MTA2: variants seen among roughly 807,000 people sequenced by gnomAD.
MTA2 encodes the protein metastasis-associated protein MTA2.
In MTA2, 22 loss-of-function variants were observed where a neutral mutation model predicts 87.1. That is an observed-to-expected ratio of 0.25 (90% CI 0.18 to 0.36). The LOEUF is 0.36. Ranked by LOEUF, MTA2 falls within the 10% of genes least tolerant of loss-of-function variation. The pLI is 1.00. For missense variants in MTA2, 542 were observed against 853.2 expected, an observed-to-expected ratio of 0.64 and a Z score of 4.54; for synonymous variants, 314 against 310.1, an observed-to-expected ratio of 1.01 and a Z score of -0.13.
intron 11 of MTA2, 60 bp from the exon 12 acceptor site, chr11:62,596,167 A>G (rs1942095735): frequency 3.8e-6 from 6 of 1,599,624 alleles, no homozygotes; most frequent in South Asian, 2.2e-5. Context: ...AAAAGAATCA[A>G]TTTCCACTCT....
chr11:62,595,685 C>A lies in MTA2; in HGVS notation c.1254+67G>T. On this transcript the variant is annotated intron_variant, in intron 13 of 17. Transcript: ENST00000278823. The surrounding 1 kb of genome is among the most constrained non-coding windows in gnomAD (Gnocchi z 4.9). ...CCATATAAAGAGTTGAATATTCTGG[C>A]CTTCACCTAAGCTCACCATCAATAT... 1.9e-6 allele frequency: 3 copies of A among 1,590,694 alleles called. No individual in the cohort carries two copies. Among genetic ancestry groups the A allele is most frequent in the Non-Finnish European group, 2.6e-6 (3 of 1,166,808 alleles).
chr11:62,594,058 G>A lies in MTA2; in HGVS notation c.1842-18C>T, dbSNP rs1353021082. ...GTAGGGCCCTGGCCAGAAAGAGCAA[G>A]TGGGAAACAGAAAAGGCTTAGAGAA... is the stretch of plus-strand genomic sequence containing the variant. On this transcript the variant is annotated intron_variant, in intron 17 of 17. Coordinates refer to ENST00000278823, the MANE Select transcript of MTA2 (RefSeq NM_004739.4). 12 of 1,577,212 alleles carry A rather than the reference G, an allele frequency of 7.6e-6. No homozygotes were observed. Among genetic ancestry groups the A allele is most frequent in the African/African-American group, 1.4e-5 (1 of 73,664 alleles).
intron 1 of MTA2, chr11:62,600,987 G>A (rs1942181448): frequency 4.1e-6 from 2 of 488,762 alleles, no homozygotes; most frequent in Admixed American, 3.9e-5. Flanking sequence ...CCCAGTCGCG[G>A]CGAAGTAATT....
Position 62,595,160 on chromosome 11 carries a change from C to T in MTA2, c.1484-90G>A, listed in dbSNP as rs1053528539. 2.8e-5 allele frequency: 43 copies of T among 1,540,278 alleles called. No homozygotes were observed. In the Admixed American group the frequency reaches 7.3e-4, roughly 26 times the overall value. ...CCAACTCTAATCTTAAAAAAATTAT[C>T]TGTGGCCTACTATCCCTCCTGTTAT... On this transcript the variant is annotated intron_variant, in intron 14 of 17. Coordinates refer to ENST00000278823, the MANE Select transcript of MTA2 (RefSeq NM_004739.4). The surrounding 1 kb of genome is among the most constrained non-coding windows in gnomAD (Gnocchi z 4.9).
intron 3 of MTA2, among the ~76,000 whole-genome samples, chr11:62,599,802 G>T (rs971709947): frequency 1.3e-5 from 2 of 152,064 alleles, no homozygotes; most frequent in Non-Finnish European, 2.9e-5. Context: ...TGTTACGCAG[G>T]CTTCTCAGTA....
Position 62,594,272 on chromosome 11 carries a change from T to G in MTA2, c.1828A>C (p.Thr610Pro), listed in dbSNP as rs1942065758. 1 of 1,614,044 alleles carries G rather than the reference T, an allele frequency of 6.2e-7. No homozygotes were observed. The highest frequency in any genetic ancestry group is 8.5e-7 in the Non-Finnish European group (1 of 1,180,038). The change falls in exon 17 of 18, where the codon ACA becomes CCA. Residue 610 changes from threonine to proline, a missense_variant. Thr to Pro is a conservative substitution (Grantham distance 38, BLOSUM62 -1). Coordinates refer to ENST00000278823, the MANE Select transcript of MTA2 (RefSeq NM_004739.4). ...DAPNPVVFVATKDTRALRKAL... is the reference protein window; with the variant it reads ...DAPNPVVFVAPKDTRALRKAL... ...TAGACGCCTTACCTGGTATCCTTTG[T>G]GGCCACAAACACCACAGGATTGGGG...
At chr11:62,599,534 G>A (rs1942148384) in intron 3 of MTA2, among the ~76,000 whole-genome samples, 2 of 151,682 alleles carry the variant, frequency 1.3e-5, no homozygotes, top group East Asian at 1.9e-4. Flanking sequence ...TTAGAAAGGT[G>A]GAACAAAAGG....
Position 62,598,313 on chromosome 11 carries a change from C to T in MTA2, c.372+14G>A, listed in dbSNP as rs116626990. 1.8e-4 allele frequency: 285 copies of T among 1,613,586 alleles called. No homozygotes were observed. The African/African-American group carries it at 3.4e-3, about 19-fold the overall frequency. The stretch of plus-strand genomic sequence containing the variant: ...CCCATTCCCCTCGCTCTTCTCTCAA[C>T]ATCTCTTTCTCACCTCCTTTTCCAG... On this transcript the variant is annotated intron_variant, in intron 5 of 17. Transcript: ENST00000278823.
intron 10 of MTA2, 37 bp downstream of exon 10, chr11:62,596,421 G>A: frequency 6.2e-7 from 1 of 1,612,936 alleles, no homozygotes; most frequent in Admixed American, 1.7e-5. Flanking sequence ...AGGTCAGCAG[G>A]TAGCCTATGG....
chr11:62,594,835 A>C (rs1344913824), intron 15 of MTA2, 146 bp downstream of exon 15: 8 of 889,412 alleles, frequency 9.0e-6, no homozygotes, highest in South Asian at 5.0e-5. Flanking sequence ...AATAGTTTAC[A>C]AAAAAAATTA....
chr11:62,598,621 G>A lies in MTA2; in HGVS notation c.209C>T (p.Ser70Leu). 2 of 1,614,032 alleles carry A rather than the reference G, an allele frequency of 1.2e-6. No individual in the cohort carries two copies. Among genetic ancestry groups the A allele is most frequent in the Non-Finnish European group, 1.7e-6 (2 of 1,180,028 alleles). ...DSNAREFEEE[S>L]KQPGVSEQQR... ...CTGCTCAGACACCCCTGGCTGCTTT[G>A]ATTCCTCTTCAAACTCCCCTGGGAG... is the stretch of plus-strand genomic sequence containing the variant. Residue 70 changes from serine to leucine, a missense_variant, in exon 4 of 18, where the codon TCA becomes TTA. Transcript: ENST00000278823.
Position 62,593,790 on chromosome 11 carries a change from C to T in MTA2, c.*85G>A. ...CTCTTCCTTAATTCACTCCTCACTC[C>T]CTTCGACACGAAAGGGAAGGGAGGT... On this transcript the variant is annotated 3_prime_UTR_variant, in exon 18 of 18. Transcript: ENST00000278823. 1 of 1,542,114 alleles carries T rather than the reference C, an allele frequency of 6.5e-7. No homozygotes were observed. The highest frequency in any genetic ancestry group is 1.8e-5 in the Admixed American group (1 of 55,058).
Position 62,598,203 on chromosome 11 carries a change from G to A in MTA2, c.373-62C>T, listed in dbSNP as rs1422446509. ...ATCCACATAGGCGGCGGGGAGGGAGGTGTATCTGAGTTTCCATGACCGGCA... is the reference window on the plus strand; with the variant it reads ...ATCCACATAGGCGGCGGGGAGGGAGATGTATCTGAGTTTCCATGACCGGCA... On this transcript the variant is annotated intron_variant, in intron 5 of 17. Coordinates refer to ENST00000278823, the MANE Select transcript of MTA2 (RefSeq NM_004739.4). 6 of 1,564,050 alleles carry A rather than the reference G, an allele frequency of 3.8e-6. No individual in the cohort carries two copies. The African/African-American group carries it at 4.1e-5, about 11-fold the overall frequency.
At chr11:62,594,863 A>G in intron 15 of MTA2, 118 bp downstream of exon 15, 1 of 985,790 alleles carries the variant, frequency 1.0e-6, no homozygotes, top group Non-Finnish European at 1.5e-6. Flanking sequence ...ACAAAAGTAC[A>G]GTTTGTTAGA....
rs527858052 is a variant in MTA2, at chr11:62,597,163, T to C, written c.693+153A>G. On this transcript the variant is annotated intron_variant, in intron 8 of 17. Coordinates refer to ENST00000278823, the MANE Select transcript of MTA2 (RefSeq NM_004739.4). ...GAGATTGCGCCACTGCACTCCAGCC[T>C]GGGCGACAGAGCAAGACTCCTCTCA... Among the ~76,000 whole-genome samples, 7 of 150,226 alleles carry C rather than the reference T, an allele frequency of 4.7e-5. No homozygotes were observed. In the East Asian group the frequency reaches 1.4e-3, roughly 30 times the overall value.
chr11:62,601,668 G>T lies in MTA2; in HGVS notation c.-218C>A. 1 of 549,786 alleles carries T rather than the reference G, an allele frequency of 1.8e-6. No homozygotes were observed. The highest frequency in any genetic ancestry group is 3.1e-6 in the Non-Finnish European group (1 of 320,754). The allele number at this position is 549,786 out of a possible 1,614,324, so 34.1% of individuals were successfully genotyped here. Reference sequence around the variant, plus strand: ...ATCGCCTCACTCCCGGGACGCTGAGGCTGGCCCCCGTCCGCTCGGCTTCTT... The same window carrying T: ...ATCGCCTCACTCCCGGGACGCTGAGTCTGGCCCCCGTCCGCTCGGCTTCTT... On this transcript the variant is annotated 5_prime_UTR_variant, in exon 1 of 18. Transcript: ENST00000278823.
intron 1 of MTA2, chr11:62,601,214 G>T: frequency 1.6e-6 from 1 of 613,858 alleles, no homozygotes; most frequent in Non-Finnish European, 2.7e-6. Flanking sequence ...CGTCGGGGCT[G>T]CCCGCAGCTT....
At chr11:62,597,293 A>G in intron 8 of MTA2, 23 bp downstream of exon 8, 2 of 1,571,858 alleles carry the variant, frequency 1.3e-6, no homozygotes, top group Non-Finnish European at 1.7e-6. Context: ...AGCCTGCCCA[A>G]CTACCCACCA....
At chr11:62,601,148 C>G (rs533761766) in intron 1 of MTA2, 3 of 538,162 alleles carry the variant, frequency 5.6e-6, no homozygotes, top group Non-Finnish European at 9.7e-6. Flanking sequence ...CCTTCGGAAC[C>G]GGTTCCGAAG....
Sources: gnomAD v4.1 joint callset for allele counts (sites outside exome capture counted in the v4.1 genomes callset) on GRCh38, gnomAD v4.1.1 for gene constraint, Gnocchi (gnomAD v3.1) non-coding constraint, MANE v1.5 for transcripts, NCBI Gene and HGNC (gene_info 2026-07-23, HGNC 2026-07-21) for gene names.